Variants in EPM2A observed in about 807,000 individuals in gnomAD.
EPM2A encodes the protein laforin.
A neutral mutation model predicts 26.5 loss-of-function variants in EPM2A; 21 were observed. The observed-to-expected ratio is 0.79, with a 90% CI of 0.56 to 1.14. The LOEUF is 1.14. Ranked by LOEUF, EPM2A falls within the 50% of genes most tolerant of loss-of-function variation. EPM2A has a pLI of 0.00. For synonymous variants in EPM2A, 217 were observed against 177.6 expected (o/e 1.22, Z -1.76); for missense variants, 458 against 440.8 (o/e 1.04, Z -0.35).
intron 4 of EPM2A, among the ~76,000 whole-genome samples, chr6:145,459,942 AAC>A (rs1779308370): frequency 6.6e-6 from 1 of 152,206 alleles, no homozygotes; most frequent in Admixed American, 6.5e-5. Flanking sequence ...CAATTTAGGA[AAC>A]AGAGGTCCAG....
At chr6:145,537,809 G>A (rs1272325061) in intron 2 of EPM2A, among the ~76,000 whole-genome samples, 4 of 149,402 alleles carry the variant, frequency 2.7e-5, no homozygotes, top group African/African-American at 9.9e-5. Context: ...CTGTCCATAT[G>A]TTCTCATTGT....
At chr6:145,440,223 A>C (rs1464778115) in intron 4 of EPM2A, among the ~76,000 whole-genome samples, 2 of 152,338 alleles carry the variant, frequency 1.3e-5, no homozygotes, top group African/African-American at 4.8e-5. Context: ...AGACAGGAGA[A>C]GAGAGAGAGC....
intron 2 of EPM2A, among the ~76,000 whole-genome samples, chr6:145,599,806 G>C (rs904434482): frequency 6.6e-6 from 1 of 151,722 alleles, no homozygotes; most frequent in African/African-American, 2.4e-5. Context: ...GATCACTTAA[G>C]TATTAAAAAT....
chr6:145,433,181 T>C (rs1778943438), intron 4 of EPM2A, among the ~76,000 whole-genome samples: 1 of 152,188 alleles, frequency 6.6e-6, no homozygotes, highest in African/African-American at 2.4e-5. Context: ...TCAAGAACTT[T>C]TCCTTTGTAT....
intron 4 of EPM2A, among the ~76,000 whole-genome samples, chr6:145,429,461 GA>G (rs1778895113): frequency 6.6e-6 from 1 of 151,892 alleles, no homozygotes; most frequent in Non-Finnish European, 1.5e-5. Flanking sequence ...AAGTGATAAA[GA>G]ATATTACAAT....
intron 4 of EPM2A, among the ~76,000 whole-genome samples, chr6:145,468,503 C>G (rs969887517): frequency 1.3e-5 from 2 of 151,980 alleles, no homozygotes; most frequent in African/African-American, 4.8e-5. Context: ...TAACAAATAT[C>G]TAAAATATAA....
chr6:145,528,735 G>C (rs1193370658), intron 2 of EPM2A, among the ~76,000 whole-genome samples: 1 of 152,130 alleles, frequency 6.6e-6, no homozygotes, highest in Non-Finnish European at 1.5e-5. Context: ...ATGGATCAAG[G>C]AGTAACTTTA....
intron 1 of EPM2A, among the ~76,000 whole-genome samples, chr6:145,728,926 G>A (rs1323810654): frequency 6.6e-6 from 1 of 152,168 alleles, no homozygotes; most frequent in Non-Finnish European, 1.5e-5. Context: ...CAGGCCCAGG[G>A]CCTCACTACC....
intron 2 of EPM2A, among the ~76,000 whole-genome samples, chr6:145,589,977 T>C (rs1781249709): frequency 6.6e-6 from 1 of 151,912 alleles, no homozygotes; most frequent in Non-Finnish European, 1.5e-5. Flanking sequence ...CAACAATCTC[T>C]TCAGAGAATC....
chr6:145,615,566 A>T (rs1015551553), intron 2 of EPM2A, among the ~76,000 whole-genome samples: 3 of 152,092 alleles, frequency 2.0e-5, no homozygotes, highest in African/African-American at 7.2e-5. Flanking sequence ...GATCTGGGTA[A>T]CAGGCAGGGG....
intron 2 of EPM2A, among the ~76,000 whole-genome samples, chr6:145,518,004 A>G (rs1258088443): frequency 3.3e-5 from 5 of 152,216 alleles, no homozygotes; most frequent in Non-Finnish European, 1.5e-5. Context: ...TAACCACTTA[A>G]AAGTTTTGCC....
At chr6:145,498,031 A>G (rs1466112695), downstream of EPM2A, among the ~76,000 whole-genome samples, 1 of 152,158 alleles carries the variant, frequency 6.6e-6, no homozygotes, top group African/African-American at 2.4e-5. Flanking sequence ...CCCAGAGATG[A>G]TGAATGGATT....
intron 2 of EPM2A, among the ~76,000 whole-genome samples, chr6:145,648,676 G>A (rs905180454): frequency 1.3e-5 from 2 of 152,086 alleles, no homozygotes; most frequent in African/African-American, 4.8e-5. Flanking sequence ...TGAGGCAGTG[G>A]GGTGGCACCC....
chr6:145,532,543 A>G (rs571236506), intron 2 of EPM2A, among the ~76,000 whole-genome samples: 1 of 152,276 alleles, frequency 6.6e-6, no homozygotes, highest in African/African-American at 2.4e-5. Context: ...TGTTGACTCA[A>G]AGTCTTTGTC....
intron 2 of EPM2A, among the ~76,000 whole-genome samples, chr6:145,669,309 C>T (rs185831069): frequency 1.1e-4 from 16 of 152,270 alleles, no homozygotes; most frequent in Non-Finnish European, 1.6e-4. Context: ...AATTCTAATA[C>T]ATAGTAAGTA....
Position 145,626,854 on chromosome 6 carries a change from T to C in EPM2A, c.*562A>G, listed in dbSNP as rs1466527384. On this transcript the variant is annotated 3_prime_UTR_variant, in exon 4 of 4. Coordinates refer to ENST00000367519, the MANE Select transcript of EPM2A (RefSeq NM_005670.4). The stretch of plus-strand genomic sequence containing the variant: ...TGGGTAGAGAAGGAAGGTGATGCCT[T>C]GGAACAGACTTTAACAACTGTGAGG... 9 of 990,094 alleles carry C rather than the reference T, an allele frequency of 9.1e-6. No homozygotes were observed. The highest frequency in any genetic ancestry group is 1.1e-5 in the Non-Finnish European group (9 of 832,690). The allele number at this position is 990,094 out of a possible 1,614,324, so 61.3% of individuals were successfully genotyped here. A position where few individuals can be genotyped will look rare whatever the true frequency, so the allele number is the denominator to read the frequency against.
At chr6:145,693,073 T>C (rs561435589) in intron 1 of EPM2A, among the ~76,000 whole-genome samples, 1 of 152,188 alleles carries the variant, frequency 6.6e-6, no homozygotes, top group South Asian at 2.1e-4. Flanking sequence ...TGTGTTTGTG[T>C]CATCCCTGAC....
At chr6:145,525,603 T>C (rs1214899883) in intron 2 of EPM2A, among the ~76,000 whole-genome samples, 1 of 152,138 alleles carries the variant, frequency 6.6e-6, no homozygotes, top group African/African-American at 2.4e-5. Flanking sequence ...TCTTAAACAC[T>C]ATTGGCGTAT....
At chr6:145,637,694 G>A (rs890678687) in intron 2 of EPM2A, 4 of 152,212 alleles carry the variant, frequency 2.6e-5, no homozygotes, top group African/African-American at 9.7e-5. Flanking sequence ...TGTACTGAGA[G>A]AAAGACCTTG....
Sources: gnomAD v4.1 joint callset for allele counts (sites outside exome capture counted in the v4.1 genomes callset) on GRCh38, gnomAD v4.1.1 for gene constraint, MANE v1.5 for transcripts, NCBI Gene and HGNC (gene_info 2026-07-23, HGNC 2026-07-21) for gene names.